GABRG2: variants seen among roughly 807,000 people sequenced by gnomAD.
The protein encoded by GABRG2 is gamma-aminobutyric acid receptor subunit gamma-2.
GABRG2 carries 16 observed loss-of-function variants against 56.4 expected under a neutral mutation model. That is an observed-to-expected ratio of 0.28 (90% CI 0.19 to 0.43). The LOEUF is 0.43. GABRG2 is among the 20% of genes least tolerant of loss of function. The pLI is 1.00. For missense variants in GABRG2, 327 were observed against 582.7 expected (o/e 0.56, Z 4.52); for synonymous variants, 208 against 205.5 (o/e 1.01, Z -0.10).
chr5:162,088,183 A>G (rs1178685266), intron 1 of GABRG2, among the ~76,000 whole-genome samples: 1 of 152,090 alleles, frequency 6.6e-6, no homozygotes, highest in Admixed American at 6.6e-5. Context: ...CATCCATTGA[A>G]CACCACTATG....
In GABRG2 at chr5:162,091,006, G is replaced by A. The variant is rs554876097; in HGVS notation, c.108-2822G>A. 1.9e-3 allele frequency among the ~76,000 whole-genome samples: 294 copies of A among 152,224 alleles called. 3 individuals are homozygous for A. The highest frequency in any genetic ancestry group is 6.7e-3 in the African/African-American group (279 of 41,556). On this transcript the variant is annotated intron_variant, in intron 1 of 9. Transcript: ENST00000639213. ...AAGAAACAGCGTAGCTTTAATAAAA[G>A]AAGTTCCTTTTTTTAAAGACAAATC...
chr5:162,090,966 A>G (rs951400040), intron 1 of GABRG2, among the ~76,000 whole-genome samples: 1 of 152,148 alleles, frequency 6.6e-6, no homozygotes, highest in Admixed American at 6.6e-5. Context: ...TTTTATGTCC[A>G]AAGCACTCTA....
At chr5:162,127,566 A>G (rs527444793) in intron 6 of GABRG2, among the ~76,000 whole-genome samples, 1 of 151,986 alleles carries the variant, frequency 6.6e-6, no homozygotes, top group African/African-American at 2.4e-5. Flanking sequence ...TGTTTTGTCA[A>G]TGAATGAATG....
At chr5:162,130,405 G>A (rs1339809685) in intron 6 of GABRG2, among the ~76,000 whole-genome samples, 1 of 151,806 alleles carries the variant, frequency 6.6e-6, no homozygotes, top group Admixed American at 6.6e-5. Flanking sequence ...TGCTTTCAAA[G>A]CCATTTTAGA....
chr5:162,151,859 C>A, intron 9 of GABRG2, 106 bp downstream of exon 9: 1 of 973,332 alleles, frequency 1.0e-6, no homozygotes, highest in South Asian at 1.4e-5. Flanking sequence ...TTTAAGCATT[C>A]TACTAGAGAT....
Position 162,153,439 on chromosome 5 carries a change from C to T in GABRG2, c.*71C>T. 1 of 1,510,088 alleles carries T rather than the reference C, an allele frequency of 6.6e-7. No homozygotes were observed. The highest frequency in any genetic ancestry group is 9.2e-7 in the Non-Finnish European group (1 of 1,086,532). The allele number at this position is 1,510,088 out of a possible 1,614,324, so 93.5% of individuals were successfully genotyped here. ...TGGAGAGATGTCTGTTCTAAGTCCA[C>T]TTAAATAATCCTCTATGTGGTTGAT... On this transcript the variant is annotated 3_prime_UTR_variant, in exon 10 of 10. Transcript: ENST00000639213.
At chr5:162,088,254 A>G (rs1760285919) in intron 1 of GABRG2, among the ~76,000 whole-genome samples, 1 of 152,046 alleles carries the variant, frequency 6.6e-6, no homozygotes, top group Non-Finnish European at 1.5e-5. Flanking sequence ...TCCCATGATC[A>G]TATACTGAGT....
At chr5:162,102,555 G>T (rs1308668641) in intron 5 of GABRG2, 2 of 454,074 alleles carry the variant, frequency 4.4e-6, no homozygotes, top group South Asian at 3.1e-5. Context: ...TTTGGACAGG[G>T]TCTCGTTCTA....
In GABRG2 at chr5:162,105,705, C is replaced by T. The variant is rs565365053; in HGVS notation, c.769+1679C>T. Among the ~76,000 whole-genome samples the T allele has an allele frequency of 1.8e-4, 27 of 152,004 alleles. 1 individual carries two copies. Among genetic ancestry groups the T allele is most frequent in the African/African-American group, 6.5e-4 (27 of 41,502 alleles). On this transcript the variant is annotated intron_variant, in intron 6 of 9. Coordinates refer to ENST00000639213, the MANE Select transcript of GABRG2 (RefSeq NM_198904.4). ...TCAGCCTCTCAAACTGCTGGGATTACAGGCAAGAGCCACCGCGCCCGGCCT... is the reference window on the plus strand; with the variant it reads ...TCAGCCTCTCAAACTGCTGGGATTATAGGCAAGAGCCACCGCGCCCGGCCT...
chr5:162,089,188 G>C (rs918258009), intron 1 of GABRG2, among the ~76,000 whole-genome samples: 2 of 151,980 alleles, frequency 1.3e-5, no homozygotes, highest in Non-Finnish European at 2.9e-5. Flanking sequence ...AAGGCAGAAA[G>C]GACAGTTACA....
At chr5:162,088,433 A>G (rs1260260246) in intron 1 of GABRG2, among the ~76,000 whole-genome samples, 1 of 152,112 alleles carries the variant, frequency 6.6e-6, no homozygotes, top group Non-Finnish European at 1.5e-5. Context: ...GAAGAGTTTA[A>G]ATGAGGCAGA....
chr5:162,144,358 A>G (rs1382007031), intron 7 of GABRG2, among the ~76,000 whole-genome samples: 1 of 152,200 alleles, frequency 6.6e-6, no homozygotes, highest in East Asian at 1.9e-4. Flanking sequence ...CTTGCTGGCC[A>G]AAATCTCTCT....
intron 6 of GABRG2, among the ~76,000 whole-genome samples, chr5:162,131,981 G>A (rs900294563): frequency 5.9e-5 from 9 of 151,702 alleles, no homozygotes; most frequent in Non-Finnish European, 8.8e-5. Flanking sequence ...GGCATTCAGA[G>A]TTCCTAGTAG....
chr5:162,074,608 ATGAT>A (rs1056901831), intron 1 of GABRG2, among the ~76,000 whole-genome samples: 18 of 152,230 alleles, frequency 1.2e-4, no homozygotes, highest in South Asian at 6.2e-4. Flanking sequence ...ATAGGAAAAA[ATGAT>A]TGATGCTTTC....
chr5:162,138,310 G>A (rs1454302869), intron 6 of GABRG2, among the ~76,000 whole-genome samples: 3 of 152,070 alleles, frequency 2.0e-5, no homozygotes, highest in Admixed American at 6.6e-5. Context: ...TTTCCCAAAT[G>A]AAAACTCAAT....
At position 162,104,091 on chromosome 5, in the gene GABRG2, T is replaced by C. The variant is rs1033372573; in HGVS notation, c.769+65T>C. ...GAGTTGAAATTTTGGTATATATGAATTAGAAGATTTTTCAATACCTCTCAA... is the reference window on the plus strand; with the variant it reads ...GAGTTGAAATTTTGGTATATATGAACTAGAAGATTTTTCAATACCTCTCAA... On this transcript the variant is annotated intron_variant, in intron 6 of 9. Transcript: ENST00000639213. The C allele has an allele frequency of 2.0e-6, 3 of 1,504,050 alleles. No individual in the cohort carries two copies. The African/African-American group carries it at 4.1e-5, about 21-fold the overall frequency. The allele number at this position is 1,504,050 out of a possible 1,614,324, so 93.2% of individuals were successfully genotyped here.
intron 5 of GABRG2, chr5:162,102,395 C>A: frequency 2.4e-6 from 1 of 412,278 alleles, no homozygotes; most frequent in Non-Finnish European, 4.9e-6. Flanking sequence ...GTTGATTTCT[C>A]TGCCATCAGG....
intron 7 of GABRG2, among the ~76,000 whole-genome samples, chr5:162,145,052 T>G (rs184743206): frequency 1.8e-4 from 28 of 152,324 alleles, no homozygotes; most frequent in African/African-American, 6.5e-4. Context: ...ATTACTTTTC[T>G]CAATGTTTAC....
intron 7 of GABRG2, among the ~76,000 whole-genome samples, chr5:162,143,724 C>T (rs569605639): frequency 2.0e-5 from 3 of 152,250 alleles, no homozygotes; most frequent in African/African-American, 7.2e-5. Flanking sequence ...TCACAGTTTC[C>T]TCATATATAA....
Sources: gnomAD v4.1 joint callset for allele counts (sites outside exome capture counted in the v4.1 genomes callset) on GRCh38, gnomAD v4.1.1 for gene constraint, MANE v1.5 for transcripts, NCBI Gene and HGNC (gene_info 2026-07-23, HGNC 2026-07-21) for gene names.